FRMD3: variants seen among roughly 807,000 people sequenced by gnomAD.
The protein encoded by FRMD3 is FERM domain-containing protein 3.
Under a neutral mutation model 70.2 loss-of-function variants are expected in FRMD3, and 33 were observed. That is an observed-to-expected ratio of 0.47 (90% CI 0.36 to 0.63). The LOEUF (loss-of-function observed/expected upper bound fraction) is 0.63, where lower values mean the gene tolerates loss of function less well. FRMD3 is among the 20% of genes least tolerant of loss of function. The pLI is 0.00. For missense variants in FRMD3, 632 were observed against 711.4 expected (o/e 0.89, Z 1.27); for synonymous variants, 279 against 255.9 (o/e 1.09, Z -0.86).
the FRMD3 span, among the ~76,000 whole-genome samples, chr9:83,567,518 C>A: frequency 2.0e-5 from 3 of 152,322 alleles, no homozygotes; most frequent in East Asian, 5.8e-4. Context: ...TCTACGGCAT[C>A]ATCGGGCTAC....
At chr9:83,342,123 C>T (rs747620461) in intron 5 of FRMD3, among the ~76,000 whole-genome samples, 7 of 150,720 alleles carry the variant, frequency 4.6e-5, no homozygotes, top group Non-Finnish European at 8.8e-5. Context: ...AATGTTCATG[C>T]TACCAACAGC....
the FRMD3 span, among the ~76,000 whole-genome samples, chr9:83,575,344 C>T: frequency 2.6e-5 from 4 of 152,168 alleles, no homozygotes; most frequent in Non-Finnish European, 5.9e-5. Context: ...TTCACTGATA[C>T]CTCTTGCTGC....
intron 6 of FRMD3, among the ~76,000 whole-genome samples, chr9:83,331,136 A>G (rs1237834398): frequency 6.6e-6 from 1 of 152,246 alleles, no homozygotes; most frequent in Non-Finnish European, 1.5e-5. Context: ...TTATGTCTAC[A>G]CAAAAACCTA....
intron 1 of FRMD3, among the ~76,000 whole-genome samples, chr9:83,457,867 A>G (rs1827861910): frequency 6.6e-6 from 1 of 152,146 alleles, no homozygotes; most frequent in South Asian, 2.1e-4. Context: ...TTCACCATGT[A>G]TACATATATC....
At chr9:83,567,910 G>T in the FRMD3 span, among the ~76,000 whole-genome samples, 2 of 152,102 alleles carry the variant, frequency 1.3e-5, no homozygotes, top group East Asian at 3.8e-4. Context: ...TTCAGCCTCT[G>T]CCTGTTACCC....
chr9:83,489,857 C>A (rs9314717), intron 1 of FRMD3, among the ~76,000 whole-genome samples: 1 of 152,022 alleles, frequency 6.6e-6, no homozygotes, highest in Non-Finnish European at 1.5e-5. Context: ...GCAACCAGTA[C>A]GATAAACACA....
At chr9:83,270,548 A>G (rs1347371825) in intron 13 of FRMD3, among the ~76,000 whole-genome samples, 2 of 152,240 alleles carry the variant, frequency 1.3e-5, no homozygotes, top group Non-Finnish European at 2.9e-5. Flanking sequence ...AGTGCCTAAC[A>G]TAGAGCTGGC....
chr9:83,517,902 A>G (rs1829489781), intron 1 of FRMD3, among the ~76,000 whole-genome samples: 1 of 152,228 alleles, frequency 6.6e-6, no homozygotes, highest in Non-Finnish European at 1.5e-5. Context: ...GATTCTCTCA[A>G]TAGATGCAGA....
intron 1 of FRMD3, among the ~76,000 whole-genome samples, chr9:83,514,428 G>T (rs544927956): frequency 1.6e-4 from 24 of 152,296 alleles, no homozygotes; most frequent in Admixed American, 1.2e-3. Flanking sequence ...TCGTCTCTGG[G>T]CAGGCCATCT....
In FRMD3 at chr9:83,327,994, C is replaced by G. The variant is rs567120103; in HGVS notation, c.596+7522G>C. Reference sequence around the variant, plus strand: ...AAAATGCTGCAAATTTGGACAGCTGCCACGCTATGAAAGAGACAGTGGTAA... The same window carrying G: ...AAAATGCTGCAAATTTGGACAGCTGGCACGCTATGAAAGAGACAGTGGTAA... On this transcript the variant is annotated intron_variant, in intron 6 of 13. Coordinates refer to ENST00000304195, the MANE Select transcript of FRMD3 (RefSeq NM_174938.6). 4.6e-5 allele frequency among the ~76,000 whole-genome samples: 7 copies of G among 152,174 alleles called. No individual in the cohort carries two copies. In the South Asian group the frequency reaches 1.5e-3, roughly 32 times the overall value.
chr9:83,478,940 C>A lies in FRMD3; in HGVS notation c.147+59145G>T, dbSNP rs180712254. 1.9e-3 allele frequency among the ~76,000 whole-genome samples: 293 copies of A among 152,170 alleles called. 2 individuals are homozygous for A. The highest frequency in any genetic ancestry group is 3.3e-3 in the Admixed American group (51 of 15,288). On this transcript the variant is annotated intron_variant, in intron 1 of 13. Coordinates refer to ENST00000304195, the MANE Select transcript of FRMD3 (RefSeq NM_174938.6). ...GTACTAGAAAGTGAACCCTGGAATACAGAGACTGTACCTATGCACTACGGG... is the reference window on the plus strand; with the variant it reads ...GTACTAGAAAGTGAACCCTGGAATAAAGAGACTGTACCTATGCACTACGGG...
Position 83,537,813 on chromosome 9 carries a change from G to C in FRMD3, c.147+272C>G, listed in dbSNP as rs1232999392. Among the ~76,000 whole-genome samples the C allele has an allele frequency of 6.7e-6, 1 of 150,196 alleles. No homozygotes were observed. The highest frequency in any genetic ancestry group is 2.5e-5 in the African/African-American group (1 of 40,700). On this transcript the variant is annotated intron_variant, in intron 1 of 13. Transcript: ENST00000304195. The surrounding 1 kb of genome is among the most constrained non-coding windows in gnomAD (Gnocchi z 4.1). Reference sequence around the variant, plus strand: ...CGGAGGCAGCTGCCCCGCGCCCCTAGCCCGGGCGCAGTGAGACGCGCGCGC... The same window carrying C: ...CGGAGGCAGCTGCCCCGCGCCCCTACCCCGGGCGCAGTGAGACGCGCGCGC...
In FRMD3 at chr9:83,537,772, G is replaced by A. The variant is rs1025210996; in HGVS notation, c.147+313C>T. ...ATCTCCTGGCGGAGTAGGGCCCAGA[G>A]GGGCCAGAGTCCCTCCGGAGGCAGC... On this transcript the variant is annotated intron_variant, in intron 1 of 13. Transcript: ENST00000304195. This position sits in a 1 kb window ranked among gnomAD's most constrained non-coding sequence, Gnocchi z 4.1. Among the ~76,000 whole-genome samples, 1 of 152,208 alleles carries A rather than the reference G, an allele frequency of 6.6e-6. No homozygotes were observed. The highest frequency in any genetic ancestry group is 6.5e-5 in the Admixed American group (1 of 15,292).
intron 4 of FRMD3, among the ~76,000 whole-genome samples, chr9:83,345,471 A>AG (rs1442598621): frequency 6.6e-6 from 1 of 152,192 alleles, no homozygotes; most frequent in African/African-American, 2.4e-5. Flanking sequence ...AATAAGCTCC[A>AG]GGGGGGCCGG....
chr9:83,431,208 G>A (rs897800093), intron 1 of FRMD3, among the ~76,000 whole-genome samples: 1 of 152,168 alleles, frequency 6.6e-6, no homozygotes, highest in Non-Finnish European at 1.5e-5. Context: ...TCAGATGTAC[G>A]CCTTCCCTCA....
chr9:83,444,391 C>T (rs1248164110), intron 1 of FRMD3, among the ~76,000 whole-genome samples: 7 of 152,214 alleles, frequency 4.6e-5, no homozygotes, highest in African/African-American at 7.2e-5. Context: ...CTCAGACAGT[C>T]GGGGCTGCCC....
intron 13 of FRMD3, among the ~76,000 whole-genome samples, chr9:83,272,255 C>T (rs1448001140): frequency 1.3e-5 from 2 of 152,012 alleles, no homozygotes; most frequent in Admixed American, 6.5e-5. Context: ...AGGCGGGCGC[C>T]GCCACGCCTG....
At chr9:83,553,260 G>A in the FRMD3 span, among the ~76,000 whole-genome samples, 685 of 152,150 alleles carry the variant, frequency 4.5e-3, 10 homozygotes, top group African/African-American at 0.016. Context: ...TGAAATTCTT[G>A]GTTGAAGATA....
At chr9:83,309,098 C>T (rs1011006381) in intron 10 of FRMD3, among the ~76,000 whole-genome samples, 5 of 152,144 alleles carry the variant, frequency 3.3e-5, no homozygotes, top group African/African-American at 7.2e-5. Context: ...GCTTCCCCAT[C>T]TCACCACCCC....
Sources: allele counts gnomAD v4.1 joint callset (sites outside exome capture counted in the v4.1 genomes callset), GRCh38; gene constraint gnomAD v4.1.1; non-coding constraint Gnocchi (gnomAD v3.1); transcripts MANE v1.5; gene names NCBI Gene and HGNC (gene_info 2026-07-23, HGNC 2026-07-21).